The following IBTK variants were observed in gnomAD, a reference collection of about 807,000 sequenced individuals.
The protein encoded by IBTK is inhibitor of Bruton tyrosine kinase, also known as BTK-binding protein.
Under a neutral mutation model 154.9 loss-of-function variants are expected in IBTK, and 83 were observed. The observed-to-expected ratio is 0.54, with a 90% CI of 0.45 to 0.64. IBTK has a LOEUF of 0.64. IBTK is among the 30% of genes least tolerant of loss of function. The pLI is 0.00. For synonymous variants in IBTK, 515 were observed against 536.1 expected (o/e 0.96, Z 0.54); for missense variants, 1,332 against 1,584.6 (o/e 0.84, Z 2.71).
intron 25 of IBTK, among the ~76,000 whole-genome samples, chr6:82,188,146 C>T (rs1431285319): frequency 1.3e-5 from 2 of 152,156 alleles, no homozygotes; most frequent in Admixed American, 1.3e-4. Flanking sequence ...ACCCTATAGT[C>T]ACACCTATCA....
intron 17 of IBTK, among the ~76,000 whole-genome samples, chr6:82,204,052 C>A (rs1476935522): frequency 6.6e-6 from 1 of 152,090 alleles, no homozygotes; most frequent in African/African-American, 2.4e-5. Context: ...CAGGTGGAAG[C>A]TAAGGAAAGT....
chr6:82,200,011 G>A, intron 21 of IBTK, 130 bp downstream of exon 21: 1 of 619,772 alleles, frequency 1.6e-6, no homozygotes, highest in Non-Finnish European at 2.8e-6. Context: ...TTCAACTGGA[G>A]TACTTACAAT....
chr6:82,209,024 C>T (rs1769524294), intron 16 of IBTK, among the ~76,000 whole-genome samples: 1 of 152,112 alleles, frequency 6.6e-6, no homozygotes, highest in African/African-American at 2.4e-5. Flanking sequence ...CAAATCAAAA[C>T]CACAATGTTG....
chr6:82,174,767 G>T (rs970345280), intron 26 of IBTK: 2 of 353,534 alleles, frequency 5.7e-6, no homozygotes, highest in Non-Finnish European at 1.1e-5. Flanking sequence ...CTATTATAGA[G>T]ATTAAAAAAC....
In IBTK at chr6:82,171,188, T is replaced by C. The variant is rs1172374578; in HGVS notation, c.*237A>G. ...AGATTATTCAGAAGAAACAATTCTA[T>C]TTAACCTTAATAAGTTTTTGTCTCA... On this transcript the variant is annotated 3_prime_UTR_variant, in exon 29 of 29. Transcript: ENST00000306270. The C allele has an allele frequency of 1.8e-5, 5 of 277,352 alleles. No homozygotes were observed. The highest frequency in any genetic ancestry group is 2.7e-5 in the Non-Finnish European group (4 of 149,836). 17.2% of individuals were successfully genotyped at this position (277,352 alleles called of 1,614,324 possible).
At position 82,214,296 on chromosome 6, in the gene IBTK, C is replaced by T. The variant is rs764634715; in HGVS notation, c.2135G>A (p.Arg712Lys). 7 of 1,613,530 alleles carry T rather than the reference C, an allele frequency of 4.3e-6. No homozygotes were observed. The African/African-American group carries it at 9.3e-5, about 22-fold the overall frequency. The change falls in exon 12 of 29, where the codon AGG becomes AAG. Residue 712 changes from arginine (R) to lysine (K), a missense_variant. Transcript: ENST00000306270. ...PKSCKKGKNIREDDPVRMLQT... is the reference protein window; with the variant it reads ...PKSCKKGKNIKEDDPVRMLQT... ...CAACATTCTTACAGGATCATCTTCC[C>T]TAATATTTTTTCCTTTTTTACAAGA... is the stretch of plus-strand genomic sequence containing the variant.
intron 25 of IBTK, among the ~76,000 whole-genome samples, chr6:82,186,538 C>T (rs1768562983): frequency 6.6e-6 from 1 of 152,146 alleles, no homozygotes; most frequent in Admixed American, 6.5e-5. Flanking sequence ...TTACAGGCAC[C>T]AGGAAACCAA....
intron 3 of IBTK, among the ~76,000 whole-genome samples, chr6:82,232,950 C>T (rs772272756): frequency 6.6e-6 from 1 of 151,934 alleles, no homozygotes; most frequent in African/African-American, 2.4e-5. Context: ...GTCAGGAGTT[C>T]GAGACCAACC....
chr6:82,215,661 C>T (rs1582228806), intron 11 of IBTK, among the ~76,000 whole-genome samples: 1 of 151,540 alleles, frequency 6.6e-6, no homozygotes, highest in East Asian at 1.9e-4. Flanking sequence ...GTGGCGGGCA[C>T]CTGTAATCCC....
chr6:82,223,117 G>A (rs1770159899), intron 8 of IBTK, among the ~76,000 whole-genome samples: 1 of 151,846 alleles, frequency 6.6e-6, no homozygotes, highest in South Asian at 2.1e-4. Context: ...CCAATGATGA[G>A]AGTGTCACGA....
At chr6:82,243,601 A>C (rs1040727443) in intron 1 of IBTK, among the ~76,000 whole-genome samples, 4 of 152,200 alleles carry the variant, frequency 2.6e-5, no homozygotes, top group Non-Finnish European at 4.4e-5. Context: ...GCAAATTGTA[A>C]AAACATAGCA....
intron 21 of IBTK, among the ~76,000 whole-genome samples, chr6:82,198,878 C>T (rs1182003095): frequency 6.6e-6 from 1 of 151,676 alleles, no homozygotes; most frequent in African/African-American, 2.4e-5. Context: ...ATTGGACTGA[C>T]CTTTTGGAAA....
At chr6:82,188,826 T>G (rs992055802) in intron 25 of IBTK, among the ~76,000 whole-genome samples, 1 of 152,094 alleles carries the variant, frequency 6.6e-6, no homozygotes, top group African/African-American at 2.4e-5. Flanking sequence ...GGTCAGGAGT[T>G]CGAGACCAGC....
At position 82,223,582 on chromosome 6, in the gene IBTK, C is replaced by A. The variant is rs1429335477; in HGVS notation, c.982G>T (p.Ala328Ser). ...TGAAGGGCAGAGACCTGACGAGGAG[C>A]AGTTACACACTTTTCTCCATTGGGA... ...LDPNGEKCVT[A>S]PRQVSALHHK... Residue 328 changes from alanine to serine, a missense_variant, in exon 8 of 29, where the codon GCT becomes TCT. Ala to Ser is a moderately conservative substitution (Grantham distance 99, BLOSUM62 1). Around this residue, in one of 3 missense-constraint regions of IBTK, gnomAD observed 1,134 missense variants for 1,274.7 expected, o/e 0.89. Coordinates refer to ENST00000306270, the MANE Select transcript of IBTK (RefSeq NM_015525.4). 1.9e-6 allele frequency: 3 copies of A among 1,613,300 alleles called. No homozygotes were observed. Among genetic ancestry groups the A allele is most frequent in the Non-Finnish European group, 2.5e-6 (3 of 1,179,814 alleles).
intron 16 of IBTK, among the ~76,000 whole-genome samples, chr6:82,209,323 C>A (rs751232943): frequency 2.6e-5 from 4 of 152,182 alleles, no homozygotes; most frequent in Non-Finnish European, 4.4e-5. Flanking sequence ...ACAACCCCAA[C>A]ATCCATCAAC....
At position 82,231,790 on chromosome 6, in the gene IBTK, A is replaced by G; in HGVS notation, c.471T>C (p.His157=). Residue 157 remains histidine, a synonymous_variant, in exon 4 of 29, where the codon CAT becomes CAC. Coordinates refer to ENST00000306270, the MANE Select transcript of IBTK (RefSeq NM_015525.4). ...GATGATGTTTGCTATTCTGGCTTCC[A>G]TGACCCAGGGTAAAATTTGTATTAT... The part of the protein sequence containing the change: ...WGDNTNFTLG[H]GSQNSKHHPE... 1 of 1,607,816 alleles carries G rather than the reference A, an allele frequency of 6.2e-7. No individual in the cohort carries two copies. The highest frequency in any genetic ancestry group is 8.5e-7 in the Non-Finnish European group (1 of 1,175,578).
At position 82,240,467 on chromosome 6, in the gene IBTK, T is replaced by G; in HGVS notation, c.20A>C (p.Asp7Ala). 5 of 1,613,346 alleles carry G rather than the reference T, an allele frequency of 3.1e-6. No homozygotes were observed. The highest frequency in any genetic ancestry group is 4.2e-6 in the Non-Finnish European group (5 of 1,179,898). Residue 7 changes from aspartate (D) to alanine (A), a missense_variant, in exon 2 of 29, where the codon GAC (aspartate) becomes GCC (alanine). Asp to Ala is a moderately radical substitution (Grantham distance 126). Transcript: ENST00000306270. MSSPMP[D>A]CTSKCRSLKH... ...CAGGGATCGACACTTTGATGTGCAG[T>G]CAGGCATGGGTGAACTCATCCTAAC...
At chr6:82,184,907 C>T (rs1244327412) in intron 25 of IBTK, among the ~76,000 whole-genome samples, 4 of 152,008 alleles carry the variant, frequency 2.6e-5, no homozygotes, top group Admixed American at 6.6e-5. Flanking sequence ...ATCGGCTGGG[C>T]GTGGTGGCTC....
At chr6:82,236,386 A>C (rs943364448) in intron 2 of IBTK, among the ~76,000 whole-genome samples, 1 of 152,198 alleles carries the variant, frequency 6.6e-6, no homozygotes, top group Admixed American at 6.5e-5. Context: ...TGATTCTGTG[A>C]AGTCTTCTGT....
Sources: gnomAD v4.1 joint callset for allele counts (sites outside exome capture counted in the v4.1 genomes callset) on GRCh38, gnomAD v4.1.1 for gene constraint, gnomAD v4.1.1 regional missense constraint, MANE v1.5 for transcripts, NCBI Gene and HGNC (gene_info 2026-07-23, HGNC 2026-07-21) for gene names.